LRFN4: variants seen among roughly 807,000 people sequenced by gnomAD.
LRFN4 encodes the protein leucine rich repeat and fibronectin type III domain containing 4.
Under a neutral mutation model 29.0 loss-of-function variants are expected in LRFN4, and 10 were observed. The ratio of observed to expected loss-of-function variants is 0.35; its 90% CI spans 0.21 to 0.59. The LOEUF (loss-of-function observed/expected upper bound fraction) is 0.59. Ranked by LOEUF, LRFN4 falls within the 20% of genes least tolerant of loss-of-function variation. The pLI is 0.82. For synonymous variants in LRFN4, 493 were observed against 437.0 expected (o/e 1.13, Z -1.60); for missense variants, 850 against 907.9 (o/e 0.94, Z 0.82).
chr11:66,859,378 A>G (rs1436077134), intron 1 of LRFN4, among the ~76,000 whole-genome samples: 1 of 152,058 alleles, frequency 6.6e-6, no homozygotes, highest in Non-Finnish European at 1.5e-5. Flanking sequence ...TCTGAAGCAC[A>G]TGGCCCGCGC....
rs1450251539 is a variant in LRFN4, at chr11:66,860,175, C to T, written c.1888C>T (p.Leu630=). 6.5e-7 allele frequency: 1 copy of T among 1,546,188 alleles called. No homozygotes were observed. The change falls in exon 2 of 2, where the codon CTG becomes TTG. Residue 630 remains leucine, a synonymous_variant. Transcript: ENST00000309602. ...GGGGGTAGGAGGCAGCGCCGAGCGG[C>T]TGGAAGAGAGTGTGGTGTGATGGAC... ...CRGVGGSAER[L]EESVV
Position 66,858,544 on chromosome 11 carries a change from A to G in LRFN4, c.800A>G (p.Tyr267Cys). The stretch of plus-strand genomic sequence containing the variant: ...TCCCCGCCCGGCCTGGCCGGCCGCT[A>G]CTTCTGGGCAGTGCCCGAGGGCGAG... ...CASPPGLAGR[Y>C]FWAVPEGEFS... is the part of the protein sequence containing the mutation. Residue 267 changes from tyrosine to cysteine, a missense_variant, in exon 1 of 2, where the codon TAC becomes TGC. Physicochemically the swap from Tyr to Cys is radical, Grantham distance 194. This residue lies in a region of LRFN4 where 744 missense variants were observed against 753.8 expected (regional missense o/e 0.99). Coordinates refer to ENST00000309602, the MANE Select transcript of LRFN4 (RefSeq NM_024036.5). The surrounding 1 kb of genome is among the most constrained non-coding windows in gnomAD (Gnocchi z 5.9). The G allele has an allele frequency of 5.2e-6, 8 of 1,533,332 alleles. No individual in the cohort carries two copies. Among genetic ancestry groups the G allele is most frequent in the Non-Finnish European group, 7.0e-6 (8 of 1,144,942 alleles). 95.0% of individuals were successfully genotyped at this position (1,533,332 alleles called of 1,614,324 possible).
chr11:66,859,934 C>G lies in LRFN4; in HGVS notation c.1647C>G (p.Leu549=), dbSNP rs750837729. The change falls in exon 2 of 2, where the codon CTC becomes CTG. Residue 549 remains leucine, a synonymous_variant. Transcript: ENST00000309602. ...VRGRGAGNGR[L]PLKLSHVQSQ... Reference sequence around the variant, plus strand: ...GCCGGGGGGCCGGAAATGGCCGCCTCCCCCTCAAGCTCAGCCACGTCCAGT... The same window carrying G: ...GCCGGGGGGCCGGAAATGGCCGCCTGCCCCTCAAGCTCAGCCACGTCCAGT... 7.5e-6 allele frequency: 12 copies of G among 1,590,478 alleles called. No individual in the cohort carries two copies. In the African/African-American group the frequency reaches 1.5e-4, roughly 20 times the overall value.
rs943179334 is a variant in LRFN4 at position 66,860,334 on chromosome 11, G to GA, written c.*140dup. On this transcript the variant is annotated 3_prime_UTR_variant, in exon 2 of 2. Coordinates refer to ENST00000309602, the MANE Select transcript of LRFN4 (RefSeq NM_024036.5). ...TCCCCTGTGTACTTGGAGGGGCAGGGAGCCCTTTCCTCGGTTCTGGCCTCC... is the reference window on the plus strand; with the variant it reads ...TCCCCTGTGTACTTGGAGGGGCAGGGAAGCCCTTTCCTCGGTTCTGGCCTCC... The GA allele has an allele frequency of 9.3e-6, 12 of 1,297,218 alleles. No homozygotes were observed. Among genetic ancestry groups the GA allele is most frequent in the Non-Finnish European group, 1.2e-5 (11 of 928,634 alleles). 80.4% of individuals were successfully genotyped at this position (1,297,218 alleles called of 1,614,324 possible). A position where few individuals can be genotyped will look rare whatever the true frequency, so the allele number is the denominator to read the frequency against.
Position 66,860,211 on chromosome 11 carries a change from C to T in LRFN4, c.*16C>T. On this transcript the variant is annotated 3_prime_UTR_variant, in exon 2 of 2. Coordinates refer to ENST00000309602, the MANE Select transcript of LRFN4 (RefSeq NM_024036.5). ...TGTGGTGTGATGGACGGGCAGCTTC[C>T]TGTGTGCTCCAAGGGATGAGCCTCG... The T allele has an allele frequency of 1.3e-6, 2 of 1,541,514 alleles. No homozygotes were observed. The highest frequency in any genetic ancestry group is 1.7e-6 in the Non-Finnish European group (2 of 1,147,042).
chr11:66,858,559 C>T lies in LRFN4; in HGVS notation c.815C>T (p.Pro272Leu). ...GCCGGCCGCTACTTCTGGGCAGTGC[C>T]CGAGGGCGAGTTCTCCTGTGAGCCG... is the stretch of plus-strand genomic sequence containing the variant. ...GLAGRYFWAV[P>L]EGEFSCEPPL... Residue 272 changes from proline (P) to leucine (L), a missense_variant, in exon 1 of 2, where the codon CCC becomes CTC. This residue lies in a region of LRFN4 where 744 missense variants were observed against 753.8 expected (regional missense o/e 0.99). Transcript: ENST00000309602. This position sits in a 1 kb window ranked among gnomAD's most constrained non-coding sequence, Gnocchi z 5.9. The T allele has an allele frequency of 3.9e-6, 6 of 1,533,152 alleles. No homozygotes were observed. Among genetic ancestry groups the T allele is most frequent in the Non-Finnish European group, 5.2e-6 (6 of 1,144,490 alleles). 95.0% of individuals were successfully genotyped at this position (1,533,152 alleles called of 1,614,324 possible). A position where few individuals can be genotyped will look rare whatever the true frequency, so the allele number is the denominator to read the frequency against.
intron 1 of LRFN4, 106 bp downstream of exon 1, chr11:66,859,199 C>T: frequency 2.2e-6 from 3 of 1,341,268 alleles, no homozygotes; most frequent in African/African-American, 1.5e-5. Context: ...GGGCTGACAC[C>T]CCCTCCCCGA....
Position 66,858,527 on chromosome 11 carries a change from C to T in LRFN4, c.783C>T (p.Pro261=), listed in dbSNP as rs1946021372. 13 of 1,533,736 alleles carry T rather than the reference C, an allele frequency of 8.5e-6. No individual in the cohort carries two copies. The highest frequency in any genetic ancestry group is 2.4e-5 in the East Asian group (1 of 40,838). Residue 261 remains proline, a synonymous_variant, in exon 1 of 2, where the codon CCC becomes CCT. Coordinates refer to ENST00000309602, the MANE Select transcript of LRFN4 (RefSeq NM_024036.5). The surrounding 1 kb of genome is among the most constrained non-coding windows in gnomAD (Gnocchi z 5.9). ...ACCTGGAAACGTGCGCCTCCCCGCC[C>T]GGCCTGGCCGGCCGCTACTTCTGGG... ...PDDLETCASP[P]GLAGRYFWAV...
In LRFN4 at chr11:66,858,233, C is replaced by T. The variant is rs150589098; in HGVS notation, c.489C>T (p.Ala163=). Reference sequence around the variant, plus strand: ...ACAACCTCCGGCAGGTGCCCTGGGCCGGCATCGGCGCCATGCCTGCCCTGC... The same window carrying T: ...ACAACCTCCGGCAGGTGCCCTGGGCTGGCATCGGCGCCATGCCTGCCCTGC... ...SYNNLRQVPW[A]GIGAMPALHT... Residue 163 remains alanine, a synonymous_variant, in exon 1 of 2, where the codon GCC becomes GCT. Transcript: ENST00000309602. The surrounding 1 kb of genome is among the most constrained non-coding windows in gnomAD (Gnocchi z 5.9). The T allele has an allele frequency of 2.4e-5, 39 of 1,612,464 alleles. No individual in the cohort carries two copies. The East Asian group carries it at 4.2e-4, about 18-fold the overall frequency.
rs758472117 is a variant in LRFN4, at chr11:66,858,239, C to T, written c.495C>T (p.Ile165=). The change falls in exon 1 of 2, where the codon ATC becomes ATT. Residue 165 remains isoleucine (I), a synonymous_variant. Transcript: ENST00000309602. This position sits in a 1 kb window ranked among gnomAD's most constrained non-coding sequence, Gnocchi z 5.9. ...NNLRQVPWAG[I]GAMPALHTLN... ...TCCGGCAGGTGCCCTGGGCCGGCAT[C>T]GGCGCCATGCCTGCCCTGCACACCC... 1.3e-5 allele frequency: 21 copies of T among 1,612,430 alleles called. No homozygotes were observed. The highest frequency in any genetic ancestry group is 1.1e-4 in the South Asian group (10 of 91,076).
At chr11:66,859,498 T>C (rs1472667818) in intron 1 of LRFN4, 139 bp from the exon 2 acceptor site, 1 of 1,484,982 alleles carries the variant, frequency 6.7e-7, no homozygotes. Flanking sequence ...CTCTCCAGCC[T>C]GTTCACCTTC....
At chr11:66,859,562 G>A in intron 1 of LRFN4, 75 bp from the exon 2 acceptor site, 2 of 1,586,124 alleles carry the variant, frequency 1.3e-6, no homozygotes, top group South Asian at 1.1e-5. Context: ...TTTGGAGCTG[G>A]GAGCACGGGA....
rs1346703838 is a variant in LRFN4, at chr11:66,858,263, C to T, written c.519C>T (p.Thr173=). 5 of 1,612,276 alleles carry T rather than the reference C, an allele frequency of 3.1e-6. No individual in the cohort carries two copies. The highest frequency in any genetic ancestry group is 4.2e-6 in the Non-Finnish European group (5 of 1,179,946). Residue 173 remains threonine, a synonymous_variant, in exon 1 of 2, where the codon ACC becomes ACT. Transcript: ENST00000309602. This position sits in a 1 kb window ranked among gnomAD's most constrained non-coding sequence, Gnocchi z 5.9. ...AGIGAMPALH[T]LNLDHNLIDA... ...TCGGCGCCATGCCTGCCCTGCACAC[C>T]CTCAACCTGGACCATAACCTTATTG... is the stretch of plus-strand genomic sequence containing the variant.
rs904464003 is a variant in LRFN4, at chr11:66,860,369, T to C, written c.*174T>C. The C allele has an allele frequency of 3.1e-6, 3 of 960,150 alleles. No homozygotes were observed. Among genetic ancestry groups the C allele is most frequent in the Non-Finnish European group, 4.8e-6 (3 of 621,018 alleles). 59.5% of individuals were successfully genotyped at this position (960,150 alleles called of 1,614,324 possible). A position where few individuals can be genotyped will look rare whatever the true frequency, so the allele number is the denominator to read the frequency against. ...CTCGGTTCTGGCCTCCAGACCAGGGTAAGGGCAGGCCCCTCCAACAGGTGC... is the reference window on the plus strand; with the variant it reads ...CTCGGTTCTGGCCTCCAGACCAGGGCAAGGGCAGGCCCCTCCAACAGGTGC... On this transcript the variant is annotated 3_prime_UTR_variant, in exon 2 of 2. Transcript: ENST00000309602.
rs1230803568 is a variant in LRFN4 at position 66,860,169 on chromosome 11, G to C, written c.1882G>C (p.Glu628Gln). The C allele has an allele frequency of 3.2e-6, 5 of 1,546,858 alleles. No individual in the cohort carries two copies. Among genetic ancestry groups the C allele is most frequent in the African/African-American group, 2.7e-5 (2 of 73,146 alleles). Reference protein sequence around the residue: ...AGCRGVGGSAERLEESVV With the variant: ...AGCRGVGGSAQRLEESVV ...GTGCCGGGGGGTAGGAGGCAGCGCC[G>C]AGCGGCTGGAAGAGAGTGTGGTGTG... The change falls in exon 2 of 2, where the codon GAG (glutamate) becomes CAG (glutamine). Residue 628 changes from glutamate to glutamine, a missense_variant. Around this residue, in one of 2 missense-constraint regions of LRFN4, gnomAD observed 744 missense variants for 753.8 expected, o/e 0.99. Transcript: ENST00000309602.
Position 66,858,193 on chromosome 11 carries a change from T to C in LRFN4, c.449T>C (p.Leu150Pro). ...FDDFLESLED[L>P]DLSYNNLRQV... is the part of the protein sequence containing the mutation. ...GACTTCCTAGAGAGCCTGGAGGACC[T>C]GGACCTGTCCTACAACAACCTCCGG... Residue 150 changes from leucine to proline, a missense_variant, in exon 1 of 2, where the codon CTG (leucine) becomes CCG (proline). Leu to Pro is a moderately conservative substitution (Grantham distance 98). Around this residue, in one of 2 missense-constraint regions of LRFN4, gnomAD observed 744 missense variants for 753.8 expected, o/e 0.99. Transcript: ENST00000309602. This position sits in a 1 kb window ranked among gnomAD's most constrained non-coding sequence, Gnocchi z 5.9. 2 of 1,612,272 alleles carry C rather than the reference T, an allele frequency of 1.2e-6. No individual in the cohort carries two copies. Among genetic ancestry groups the C allele is most frequent in the Non-Finnish European group, 1.7e-6 (2 of 1,179,734 alleles).
Position 66,859,952 on chromosome 11 carries a change from C to G in LRFN4, c.1665C>G (p.His555Gln). The change falls in exon 2 of 2, where the codon CAC becomes CAG. Residue 555 changes from histidine to glutamine, a missense_variant. His to Gln is a conservative substitution (Grantham distance 24, BLOSUM62 0). Transcript: ENST00000309602. ...GCCGCCTCCCCCTCAAGCTCAGCCA[C>G]GTCCAGTCCCAGACCAATGGAGGCC... ...GNGRLPLKLSHVQSQTNGGPS... is the reference protein window; with the variant it reads ...GNGRLPLKLSQVQSQTNGGPS... The G allele has an allele frequency of 6.3e-7, 1 of 1,598,954 alleles. No homozygotes were observed. Among genetic ancestry groups the G allele is most frequent in the South Asian group, 1.1e-5 (1 of 89,204 alleles).
Position 66,858,565 on chromosome 11 carries a change from G to A in LRFN4, c.821G>A (p.Gly274Asp). Reference sequence around the variant, plus strand: ...CGCTACTTCTGGGCAGTGCCCGAGGGCGAGTTCTCCTGTGAGCCGCCCCTC... The same window carrying A: ...CGCTACTTCTGGGCAGTGCCCGAGGACGAGTTCTCCTGTGAGCCGCCCCTC... ...AGRYFWAVPE[G>D]EFSCEPPLIA... is the part of the protein sequence containing the mutation. Residue 274 changes from glycine (G) to aspartate (D), a missense_variant, in exon 1 of 2, where the codon GGC becomes GAC. Transcript: ENST00000309602. The surrounding 1 kb of genome is among the most constrained non-coding windows in gnomAD (Gnocchi z 5.9). 3 of 1,533,150 alleles carry A rather than the reference G, an allele frequency of 2.0e-6. No individual in the cohort carries two copies. The highest frequency in any genetic ancestry group is 1.2e-5 in the South Asian group (1 of 83,874). 95.0% of individuals were successfully genotyped at this position (1,533,150 alleles called of 1,614,324 possible). A position where few individuals can be genotyped will look rare whatever the true frequency, so the allele number is the denominator to read the frequency against.
Position 66,858,963 on chromosome 11 carries a change from C to G in LRFN4, c.1219C>G (p.Pro407Ala), listed in dbSNP as rs532858753. The change falls in exon 1 of 2, where the codon CCA (proline) becomes GCA (alanine). Residue 407 changes from proline to alanine, a missense_variant. Around this residue, in one of 2 missense-constraint regions of LRFN4, gnomAD observed 744 missense variants for 753.8 expected, o/e 0.99. Transcript: ENST00000309602. This position sits in a 1 kb window ranked among gnomAD's most constrained non-coding sequence, Gnocchi z 5.9. Reference protein sequence around the residue: ...AEGEGTLESEPAVQVTEVTAT... With the variant: ...AEGEGTLESEAAVQVTEVTAT... ...GGGTGAGGGGACGCTGGAGTCTGAGCCAGCCGTGCAGGTGACGGAGGTGAC... is the reference window on the plus strand; with the variant it reads ...GGGTGAGGGGACGCTGGAGTCTGAGGCAGCCGTGCAGGTGACGGAGGTGAC... 9 of 1,575,460 alleles carry G rather than the reference C, an allele frequency of 5.7e-6. No homozygotes were observed. The highest frequency in any genetic ancestry group is 4.6e-5 in the South Asian group (4 of 86,756).
Sources: allele counts gnomAD v4.1 joint callset (sites outside exome capture counted in the v4.1 genomes callset), GRCh38; gene constraint gnomAD v4.1.1; regional missense constraint gnomAD v4.1.1; non-coding constraint Gnocchi (gnomAD v3.1); transcripts MANE v1.5; gene names NCBI Gene and HGNC (gene_info 2026-07-23, HGNC 2026-07-21).